The following CBX1 variants were observed in gnomAD, a reference collection of about 807,000 sequenced individuals.
The protein encoded by CBX1 is chromobox 1.
In CBX1, 10 loss-of-function variants were observed where a neutral mutation model predicts 25.1. The observed-to-expected ratio is 0.40, with a 90% CI of 0.25 to 0.68. CBX1 has a LOEUF of 0.68. Ranked by LOEUF, CBX1 falls within the 30% of genes least tolerant of loss-of-function variation. CBX1 has a pLI of 0.40. For missense variants in CBX1, 106 were observed against 218.5 expected, an observed-to-expected ratio of 0.49 and a Z score of 3.25; for synonymous variants, 63 against 79.4, an observed-to-expected ratio of 0.79 and a Z score of 1.10.
intron 1 of CBX1, chr17:48,096,220 G>A: frequency 6.1e-6 from 2 of 328,406 alleles, no homozygotes; most frequent in Non-Finnish European, 8.7e-6. Flanking sequence ...TTGAATTCCA[G>A]AGGATCAAAG....
intron 1 of CBX1, among the ~76,000 whole-genome samples, chr17:48,077,244 T>C (rs2037683070): frequency 6.7e-6 from 1 of 148,832 alleles, no homozygotes; most frequent in Non-Finnish European, 1.5e-5. Flanking sequence ...CCCCAATTAA[T>C]CTTACAGCAA....
chr17:48,094,690 C>T (rs1045672623), intron 1 of CBX1, among the ~76,000 whole-genome samples: 1 of 140,290 alleles, frequency 7.1e-6, no homozygotes, highest in Admixed American at 7.2e-5. Flanking sequence ...GCTGAGATCG[C>T]GCCACTGCAC....
Position 48,070,644 on chromosome 17 carries a change from T to G in CBX1, c.*791A>C, listed in dbSNP as rs1349203627. 5 of 152,672 alleles carry G rather than the reference T, an allele frequency of 3.3e-5. No homozygotes were observed. Among genetic ancestry groups the G allele is most frequent in the African/African-American group, 1.2e-4 (5 of 41,456 alleles). The allele number at this position is 152,672 out of a possible 1,614,324, so 9.5% of individuals were successfully genotyped here. On this transcript the variant is annotated 3_prime_UTR_variant, in exon 5 of 5. Coordinates refer to ENST00000225603, the MANE Select transcript of CBX1 (RefSeq NM_001127228.2). ...TTAGCACCTCTAAGGCAGAATGATC[T>G]GCTTGTACTGTATACTCTCCAATAA...
chr17:48,084,908 T>C (rs937871589), intron 1 of CBX1, among the ~76,000 whole-genome samples: 1 of 150,694 alleles, frequency 6.6e-6, no homozygotes, highest in African/African-American at 2.5e-5. Context: ...AGACTCCGTC[T>C]CACAAAAAAA....
chr17:48,080,122 C>T (rs771816457), intron 1 of CBX1, among the ~76,000 whole-genome samples: 5 of 152,010 alleles, frequency 3.3e-5, no homozygotes, highest in Non-Finnish European at 2.9e-5. Flanking sequence ...GGCTCACCTA[C>T]GCCTCTAGGG....
intron 1 of CBX1, among the ~76,000 whole-genome samples, chr17:48,081,701 C>T (rs914406104): frequency 6.6e-6 from 1 of 152,214 alleles, no homozygotes; most frequent in Non-Finnish European, 1.5e-5. Flanking sequence ...CTCGGCCTCC[C>T]AAAGTGCTGG....
At chr17:48,091,285 C>A (rs1487267337) in intron 1 of CBX1, among the ~76,000 whole-genome samples, 2 of 152,102 alleles carry the variant, frequency 1.3e-5, no homozygotes, top group African/African-American at 4.8e-5. Context: ...GTTCTTTTTA[C>A]CATTCCATTT....
intron 1 of CBX1, among the ~76,000 whole-genome samples, chr17:48,082,354 T>C (rs1273845407): frequency 6.6e-6 from 1 of 150,488 alleles, no homozygotes; most frequent in African/African-American, 2.4e-5. Flanking sequence ...TACAAAAAAT[T>C]AGCTGGGTGT....
chr17:48,093,509 C>G (rs1276834478), intron 1 of CBX1, among the ~76,000 whole-genome samples: 1 of 152,156 alleles, frequency 6.6e-6, no homozygotes, highest in Non-Finnish European at 1.5e-5. Flanking sequence ...CCAGGCTTTA[C>G]TAGCATTTGA....
chr17:48,076,210 T>G, intron 2 of CBX1, 32 bp from the exon 3 acceptor site: 1 of 1,493,476 alleles, frequency 6.7e-7, no homozygotes, highest in Non-Finnish European at 9.1e-7. Flanking sequence ...AGTCACACTT[T>G]CACTCAAATA....
In CBX1 at chr17:48,080,112, G is replaced by A. The variant is rs187929548; in HGVS notation, c.-37-3071C>T. 8.4e-4 allele frequency among the ~76,000 whole-genome samples: 127 copies of A among 152,036 alleles called. 1 individual carries two copies. Among genetic ancestry groups the A allele is most frequent in the African/African-American group, 2.9e-3 (119 of 41,468 alleles). On this transcript the variant is annotated intron_variant, in intron 1 of 4. Coordinates refer to ENST00000225603, the MANE Select transcript of CBX1 (RefSeq NM_001127228.2). Reference sequence around the variant, plus strand: ...GGCTGCAGTGCAATGGTGCTATCTCGGCTCACCTACGCCTCTAGGGTTCAA... The same window carrying A: ...GGCTGCAGTGCAATGGTGCTATCTCAGCTCACCTACGCCTCTAGGGTTCAA...
chr17:48,084,726 T>C (rs111460850), intron 1 of CBX1, among the ~76,000 whole-genome samples: 1 of 149,330 alleles, frequency 6.7e-6, no homozygotes, highest in African/African-American at 2.6e-5. Flanking sequence ...CTGGCTAACA[T>C]GGTGAAACCC....
chr17:48,080,610 T>C (rs2037720721), intron 1 of CBX1, among the ~76,000 whole-genome samples: 2 of 151,788 alleles, frequency 1.3e-5, no homozygotes, highest in East Asian at 1.9e-4. Flanking sequence ...CTGGCATGTA[T>C]AGACAGAATG....
intron 1 of CBX1, among the ~76,000 whole-genome samples, chr17:48,098,692 A>G (rs1314291734): frequency 6.6e-6 from 1 of 152,064 alleles, no homozygotes; most frequent in Non-Finnish European, 1.5e-5. Flanking sequence ...AGATGGGGCC[A>G]GTATGGCTCC....
intron 1 of CBX1, chr17:48,096,270 T>C: frequency 1.1e-5 from 8 of 722,270 alleles, no homozygotes; most frequent in Non-Finnish European, 1.4e-5. Flanking sequence ...GAATTTTATC[T>C]GAGATGTGTT....
intron 3 of CBX1, 93 bp downstream of exon 3, chr17:48,075,908 G>A: frequency 2.1e-6 from 2 of 951,596 alleles, no homozygotes; most frequent in African/African-American, 1.6e-5. Context: ...ACTAAGAAGA[G>A]ACAGCTGCTA....
intron 1 of CBX1, among the ~76,000 whole-genome samples, chr17:48,079,767 G>C (rs2144438594): frequency 6.6e-6 from 1 of 152,164 alleles, no homozygotes; most frequent in South Asian, 2.1e-4. Flanking sequence ...TGGGATTACA[G>C]ACATAAGCCA....
intron 4 of CBX1, 33 bp from the exon 5 acceptor site, chr17:48,071,612 C>A: frequency 5.8e-6 from 9 of 1,564,938 alleles, no homozygotes; most frequent in Non-Finnish European, 7.8e-6. Flanking sequence ...ACTTTGAGAC[C>A]AGGTGCTGGT....
At chr17:48,079,369 G>A (rs1441473296) in intron 1 of CBX1, among the ~76,000 whole-genome samples, 2 of 152,166 alleles carry the variant, frequency 1.3e-5, no homozygotes, top group African/African-American at 4.8e-5. Context: ...GCCTCCCAAA[G>A]TGCTGGGATT....
Sources: gnomAD v4.1 joint callset for allele counts (sites outside exome capture counted in the v4.1 genomes callset) on GRCh38, gnomAD v4.1.1 for gene constraint, MANE v1.5 for transcripts, NCBI Gene and HGNC (gene_info 2026-07-23, HGNC 2026-07-21) for gene names.